BMPER: variants seen among roughly 807,000 people sequenced by gnomAD.
The protein encoded by BMPER is BMP binding endothelial regulator.
BMPER carries 45 observed loss-of-function variants against 87.3 expected under a neutral mutation model. The ratio of observed to expected loss-of-function variants is 0.52; its 90% CI spans 0.41 to 0.66. BMPER has a LOEUF of 0.66. Ranked by LOEUF, BMPER falls within the 30% of genes least tolerant of loss-of-function variation. The pLI is 0.00. For synonymous variants in BMPER, 326 were observed against 316.2 expected, an observed-to-expected ratio of 1.03 and a Z score of -0.33; for missense variants, 784 against 867.5, an observed-to-expected ratio of 0.90 and a Z score of 1.21.
chr7:34,078,726 T>G lies in BMPER; in HGVS notation c.1079-131T>G, dbSNP rs934155037. The G allele has an allele frequency of 3.9e-6, 3 of 766,106 alleles. No homozygotes were observed. In the African/African-American group the frequency reaches 5.4e-5, roughly 14 times the overall value. The allele number at this position is 766,106 out of a possible 1,614,324, so 47.5% of individuals were successfully genotyped here. The stretch of plus-strand genomic sequence containing the variant: ...GACACGAACCTTTAAAAACGACCAC[T>G]TTTTTTTTTAAGTTGATTTCCCTTA... On this transcript the variant is annotated intron_variant, in intron 11 of 14. Transcript: ENST00000649409.
intron 3 of BMPER, 38 bp downstream of exon 3, chr7:33,937,426 G>A: frequency 6.3e-7 from 1 of 1,590,014 alleles, no homozygotes; most frequent in Non-Finnish European, 8.6e-7. Flanking sequence ...TCTGGCTGCT[G>A]CTTCAGGCAT....
intron 6 of BMPER, among the ~76,000 whole-genome samples, chr7:34,015,209 G>A (rs1328562937): frequency 6.6e-6 from 1 of 151,914 alleles, no homozygotes; most frequent in Non-Finnish European, 1.5e-5. Context: ...ACCTGGGTTT[G>A]AATTCAAATT....
intron 6 of BMPER, among the ~76,000 whole-genome samples, chr7:34,005,536 C>T (rs751674854): frequency 2.0e-5 from 3 of 151,822 alleles, no homozygotes; most frequent in Non-Finnish European, 2.9e-5. Flanking sequence ...CAGCCTTGAA[C>T]TTCTGGGCTC....
chr7:33,966,901 A>T (rs1785419999), intron 4 of BMPER, among the ~76,000 whole-genome samples: 1 of 152,248 alleles, frequency 6.6e-6, no homozygotes, highest in Admixed American at 6.5e-5. Flanking sequence ...TCCTCTTAGC[A>T]GAAAGCGGGT....
chr7:33,924,693 A>G (rs1784319556), intron 2 of BMPER, among the ~76,000 whole-genome samples: 1 of 152,166 alleles, frequency 6.6e-6, no homozygotes, highest in African/African-American at 2.4e-5. Context: ...GGGAGGACGA[A>G]GTCTTGCTCT....
In BMPER at chr7:33,979,771, C is replaced by A. The variant is rs1411612768; in HGVS notation, c.576+4987C>A. Among the ~76,000 whole-genome samples, 6 of 152,226 alleles carry A rather than the reference C, an allele frequency of 3.9e-5. No homozygotes were observed. In the East Asian group the frequency reaches 9.6e-4, roughly 24 times the overall value. Reference sequence around the variant, plus strand: ...ATGAACTGCAAACTCTTCGTGGTGTCCCCACTGGCAAGTGGCTTGTATACG... The same window carrying A: ...ATGAACTGCAAACTCTTCGTGGTGTACCCACTGGCAAGTGGCTTGTATACG... On this transcript the variant is annotated intron_variant, in intron 6 of 14. Coordinates refer to ENST00000649409, the MANE Select transcript of BMPER (RefSeq NM_001365308.1).
intron 3 of BMPER, among the ~76,000 whole-genome samples, chr7:33,944,326 C>T (rs905258825): frequency 6.6e-5 from 10 of 151,986 alleles, no homozygotes; most frequent in Middle Eastern, 3.4e-3. Flanking sequence ...CCACAATGCC[C>T]GGCAATTTTT....
intron 2 of BMPER, among the ~76,000 whole-genome samples, chr7:33,921,026 C>T (rs964165350): frequency 6.6e-6 from 1 of 151,914 alleles, no homozygotes; most frequent in Non-Finnish European, 1.5e-5. Flanking sequence ...CTTTATCAAA[C>T]CTCCTTTAGT....
intron 6 of BMPER, among the ~76,000 whole-genome samples, chr7:33,999,505 G>A (rs760273025): frequency 4.3e-4 from 65 of 152,162 alleles, no homozygotes; most frequent in Non-Finnish European, 6.8e-4. Context: ...TTACTGGTTT[G>A]TATTGTTATA....
chr7:34,134,637 C>T (rs1360508993), intron 13 of BMPER, among the ~76,000 whole-genome samples: 1 of 152,138 alleles, frequency 6.6e-6, no homozygotes, highest in East Asian at 1.9e-4. Flanking sequence ...TGGCTTTGGG[C>T]TCCTTAAAGA....
Position 34,012,621 on chromosome 7 carries a change from A to G in BMPER, c.577-33685A>G, listed in dbSNP as rs763985644. ...GTGCAGTTGGGTGAGATGGAGAGGT[A>G]TACACCATCTCAAAACCTGGGAAAA... is the stretch of plus-strand genomic sequence containing the variant. On this transcript the variant is annotated intron_variant, in intron 6 of 14. Coordinates refer to ENST00000649409, the MANE Select transcript of BMPER (RefSeq NM_001365308.1). 5.4e-4 allele frequency among the ~76,000 whole-genome samples: 82 copies of G among 152,050 alleles called. 1 individual carries two copies. Among genetic ancestry groups the G allele is most frequent in the Non-Finnish European group, 7.1e-4 (48 of 67,904 alleles).
intron 2 of BMPER, among the ~76,000 whole-genome samples, chr7:33,934,630 T>C (rs979212549): frequency 9.9e-5 from 15 of 152,226 alleles, no homozygotes; most frequent in African/African-American, 2.2e-4. Context: ...GATCCTGTTA[T>C]GGATTTTGAC....
chr7:34,152,102 C>T (rs1791190487), intron 14 of BMPER, among the ~76,000 whole-genome samples: 1 of 152,178 alleles, frequency 6.6e-6, no homozygotes, highest in Non-Finnish European at 1.5e-5. Context: ...TTAAATTTTA[C>T]AATTACACGA....
chr7:33,954,468 A>G (rs1339492639), intron 3 of BMPER, among the ~76,000 whole-genome samples: 1 of 152,182 alleles, frequency 6.6e-6, no homozygotes, highest in Non-Finnish European at 1.5e-5. Context: ...GTTGCCAGGA[A>G]TGACCACGGT....
chr7:33,941,480 C>T (rs1784764896), intron 3 of BMPER, among the ~76,000 whole-genome samples: 1 of 151,826 alleles, frequency 6.6e-6, no homozygotes, highest in African/African-American at 2.4e-5. Context: ...TGTAATGTGT[C>T]ATATATAACT....
intron 6 of BMPER, among the ~76,000 whole-genome samples, chr7:34,041,219 T>C (rs1787823792): frequency 6.6e-6 from 1 of 152,188 alleles, no homozygotes; most frequent in Admixed American, 6.5e-5. Flanking sequence ...CTTTAAGGCT[T>C]AGAGGCTCAT....
intron 6 of BMPER, among the ~76,000 whole-genome samples, chr7:33,976,046 A>T (rs1785679107): frequency 6.6e-6 from 1 of 152,162 alleles, no homozygotes; most frequent in Non-Finnish European, 1.5e-5. Context: ...AATAATATAT[A>T]AAAAACACAA....
intron 3 of BMPER, among the ~76,000 whole-genome samples, chr7:33,943,576 TG>T (rs1784815984): frequency 1.3e-5 from 2 of 152,210 alleles, no homozygotes; most frequent in African/African-American, 4.8e-5. Context: ...ATCACAGTGT[TG>T]GGAGAAAAGG....
intron 2 of BMPER, among the ~76,000 whole-genome samples, chr7:33,925,402 T>A (rs1784334427): frequency 6.6e-6 from 1 of 152,204 alleles, no homozygotes; most frequent in Non-Finnish European, 1.5e-5. Flanking sequence ...CACTGAAAGA[T>A]GAAAAGTTGT....
Sources: gnomAD v4.1 joint callset for allele counts (sites outside exome capture counted in the v4.1 genomes callset) on GRCh38, gnomAD v4.1.1 for gene constraint, MANE v1.5 for transcripts, NCBI Gene and HGNC (gene_info 2026-07-23, HGNC 2026-07-21) for gene names.